CNTNAP2: variants seen among roughly 807,000 people sequenced by gnomAD.
CNTNAP2 encodes the protein contactin-associated protein-like 2.
A neutral mutation model predicts 155.2 loss-of-function variants in CNTNAP2; 98 were observed. The observed-to-expected ratio is 0.63, with a 90% CI of 0.54 to 0.75. The LOEUF (loss-of-function observed/expected upper bound fraction) is 0.75, where lower values mean the gene tolerates loss of function less well. Among genes scored for constraint, CNTNAP2 ranks in the 30% least tolerant of loss-of-function variants. The pLI is 0.00. For missense variants in CNTNAP2, 1,727 were observed against 1,688.1 expected (o/e 1.02, Z -0.40); for synonymous variants, 651 against 631.2 (o/e 1.03, Z -0.47).
chr7:148,420,680 C>T lies in CNTNAP2; in HGVS notation c.*5064C>T, dbSNP rs917668549. On this transcript the variant is annotated 3_prime_UTR_variant, in exon 24 of 24. Transcript: ENST00000361727. ...ATATGGAAGTTCCTCTCAAGTAGGC[C>T]AAGAAACAGTTCTAGATTTTACTAA... 1 of 152,518 alleles carries T rather than the reference C, an allele frequency of 6.6e-6. No homozygotes were observed. Among genetic ancestry groups the T allele is most frequent in the Non-Finnish European group, 1.5e-5 (1 of 68,044 alleles). 9.4% of individuals were successfully genotyped at this position (152,518 alleles called of 1,614,324 possible). A position where few individuals can be genotyped will look rare whatever the true frequency, so the allele number is the denominator to read the frequency against.
intron 20 of CNTNAP2, among the ~76,000 whole-genome samples, chr7:148,247,623 C>CTTTA (rs1220582979): frequency 1.1e-4 from 11 of 102,484 alleles, no homozygotes; most frequent in African/African-American, 2.5e-4. Flanking sequence ...CTCTCTCTCT[C>CTTTA]TCTATTTATT....
intron 1 of CNTNAP2, among the ~76,000 whole-genome samples, chr7:146,157,327 G>A (rs1006786513): frequency 2.0e-5 from 3 of 152,170 alleles, no homozygotes; most frequent in African/African-American, 7.2e-5. Flanking sequence ...GCAGCTCCCA[G>A]CGTGAGCAAC....
chr7:147,543,637 G>A lies in CNTNAP2; in HGVS notation c.1778-18501G>A, dbSNP rs182709499. On this transcript the variant is annotated intron_variant, in intron 11 of 23. Coordinates refer to ENST00000361727, the MANE Select transcript of CNTNAP2 (RefSeq NM_014141.6). The stretch of plus-strand genomic sequence containing the variant: ...CAGAGTTTTTATGTTTTATTCCCAA[G>A]CACTTCTACCCCCTCAAATAAAACC... 2.0e-3 allele frequency among the ~76,000 whole-genome samples: 300 copies of A among 152,188 alleles called. 1 individual carries two copies. The highest frequency in any genetic ancestry group is 7.2e-3 in the African/African-American group (297 of 41,518).
At chr7:146,954,422 C>A (rs1482285003) in intron 3 of CNTNAP2, among the ~76,000 whole-genome samples, 5 of 151,830 alleles carry the variant, frequency 3.3e-5, no homozygotes, top group Admixed American at 2.0e-4. Flanking sequence ...TGTTTCAGTT[C>A]ACTGAAGGAA....
chr7:146,494,166 G>T (rs907982801), intron 1 of CNTNAP2, among the ~76,000 whole-genome samples: 1 of 151,802 alleles, frequency 6.6e-6, no homozygotes, highest in Admixed American at 6.6e-5. Context: ...AACGCTGTCT[G>T]TACTAAAAAT....
intron 15 of CNTNAP2, among the ~76,000 whole-genome samples, chr7:148,030,085 T>C: frequency 6.6e-6 from 1 of 152,214 alleles, no homozygotes; most frequent in East Asian, 1.9e-4. Flanking sequence ...AATAGCATCT[T>C]CCAAGTTCTA....
chr7:148,364,876 T>C (rs1049127752), intron 21 of CNTNAP2, among the ~76,000 whole-genome samples: 1 of 152,162 alleles, frequency 6.6e-6, no homozygotes, highest in Non-Finnish European at 1.5e-5. Flanking sequence ...TTGCTACTGC[T>C]CGCCCTTTGG....
intron 3 of CNTNAP2, among the ~76,000 whole-genome samples, chr7:146,936,625 A>G (rs1226124692): frequency 6.6e-6 from 1 of 152,214 alleles, no homozygotes; most frequent in African/African-American, 2.4e-5. Flanking sequence ...ACCATAACCT[A>G]ACTTAATAGG....
At chr7:147,112,167 T>A (rs1397822301) in intron 5 of CNTNAP2, among the ~76,000 whole-genome samples, 1 of 152,186 alleles carries the variant, frequency 6.6e-6, no homozygotes, top group Non-Finnish European at 1.5e-5. Context: ...ATAATTTGAC[T>A]CTCTGATTGC....
At chr7:147,629,752 G>A (rs566400025) in intron 12 of CNTNAP2, among the ~76,000 whole-genome samples, 107 of 152,050 alleles carry the variant, frequency 7.0e-4, no homozygotes, top group South Asian at 2.3e-3. Context: ...ATGAAATAAA[G>A]ATAAAATTTA....
intron 21 of CNTNAP2, among the ~76,000 whole-genome samples, chr7:148,341,619 T>G (rs918040876): frequency 1.3e-5 from 2 of 152,130 alleles, no homozygotes; most frequent in Admixed American, 1.3e-4. Context: ...AGAAGCCAGG[T>G]TGGTCTGACC....
intron 1 of CNTNAP2, among the ~76,000 whole-genome samples, chr7:146,522,706 C>A (rs1368666674): frequency 6.6e-6 from 1 of 151,212 alleles, no homozygotes; most frequent in Non-Finnish European, 1.5e-5. Context: ...GATTTCCAAT[C>A]TGACTTTGTG....
intron 7 of CNTNAP2, among the ~76,000 whole-genome samples, chr7:147,130,973 G>A (rs1433298219): frequency 6.6e-6 from 1 of 151,352 alleles, no homozygotes; most frequent in African/African-American, 2.4e-5. Flanking sequence ...CAGAGAGACT[G>A]CCTGCCTTAG....
chr7:148,260,514 T>C (rs758987817), intron 20 of CNTNAP2, among the ~76,000 whole-genome samples: 2 of 152,238 alleles, frequency 1.3e-5, no homozygotes, highest in Non-Finnish European at 2.9e-5. Context: ...ATATCTGCAG[T>C]TGGACAAAGT....
intron 22 of CNTNAP2, among the ~76,000 whole-genome samples, chr7:148,407,703 T>A (rs1292754487): frequency 7.5e-5 from 7 of 93,122 alleles, no homozygotes; most frequent in African/African-American, 1.5e-4. Flanking sequence ...GACCAAATCT[T>A]AAAAAAAAAA....
At chr7:148,110,934 A>C (rs1804335462) in intron 15 of CNTNAP2, among the ~76,000 whole-genome samples, 1 of 152,246 alleles carries the variant, frequency 6.6e-6, no homozygotes, top group Non-Finnish European at 1.5e-5. Context: ...ACTGAGCAAC[A>C]GACATATATT....
chr7:146,804,873 C>T (rs944207274), intron 2 of CNTNAP2, among the ~76,000 whole-genome samples: 4 of 152,224 alleles, frequency 2.6e-5, no homozygotes, highest in African/African-American at 9.6e-5. Context: ...TTCTGTGGTA[C>T]TCCAGTAAGT....
chr7:146,996,231 T>C (rs140220808), intron 3 of CNTNAP2, among the ~76,000 whole-genome samples: 23 of 152,134 alleles, frequency 1.5e-4, no homozygotes, highest in African/African-American at 4.6e-4. Flanking sequence ...AGTAAATTTA[T>C]GATTTTTTTT....
intron 9 of CNTNAP2, among the ~76,000 whole-genome samples, chr7:147,384,022 G>A (rs564168121): frequency 6.6e-6 from 1 of 152,222 alleles, no homozygotes; most frequent in Admixed American, 6.5e-5. Context: ...GTCTGGGAGG[G>A]CCTCTTGGAA....
Sources: allele counts gnomAD v4.1 joint callset (sites outside exome capture counted in the v4.1 genomes callset), GRCh38; gene constraint gnomAD v4.1.1; transcripts MANE v1.5; gene names NCBI Gene and HGNC (gene_info 2026-07-23, HGNC 2026-07-21).